ZBTB20: variants seen among roughly 807,000 people sequenced by gnomAD.
ZBTB20 encodes the protein zinc finger and BTB domain-containing protein 20.
ZBTB20 carries 9 observed loss-of-function variants against 56.9 expected under a neutral mutation model. The observed-to-expected ratio is 0.16, with a 90% CI of 0.10 to 0.28. The LOEUF is 0.28. ZBTB20 is among the 10% of genes least tolerant of loss of function. ZBTB20 has a pLI of 1.00. For missense variants in ZBTB20, 655 were observed against 1,003.0 expected, an observed-to-expected ratio of 0.65 and a Z score of 4.69; for synonymous variants, 417 against 420.7, an observed-to-expected ratio of 0.99 and a Z score of 0.11.
intron 7 of ZBTB20, among the ~76,000 whole-genome samples, chr3:114,482,180 A>G (rs942583035): frequency 1.3e-5 from 2 of 152,176 alleles, no homozygotes; most frequent in Non-Finnish European, 2.9e-5. Context: ...ATGACAAAGG[A>G]GCCTGAAGAC....
intron 3 of ZBTB20, among the ~76,000 whole-genome samples, chr3:114,940,938 G>A (rs1268070457): frequency 4.1e-5 from 6 of 146,114 alleles, no homozygotes; most frequent in Non-Finnish European, 8.8e-5. Flanking sequence ...ATAACTCATT[G>A]TTACTGATGA....
chr3:115,037,268 A>C lies in ZBTB20; in HGVS notation c.-507+33951T>G, dbSNP rs532341372. Among the ~76,000 whole-genome samples, 6 of 152,270 alleles carry C rather than the reference A, an allele frequency of 3.9e-5. No homozygotes were observed. In the East Asian group the frequency reaches 1.2e-3, roughly 29 times the overall value. On this transcript the variant is annotated intron_variant, in intron 2 of 11. Coordinates refer to ENST00000675478, the MANE Select transcript of ZBTB20 (RefSeq NM_001348800.3). ...ACCCACATCTATCTGAATCCAAAGT[A>C]AAGAAATTTTTGGGGGGGGCGGAGT... is the stretch of plus-strand genomic sequence containing the variant.
intron 5 of ZBTB20, among the ~76,000 whole-genome samples, chr3:114,784,958 CAAT>C (rs1410138448): frequency 6.6e-6 from 1 of 152,144 alleles, no homozygotes; most frequent in Non-Finnish European, 1.5e-5. Flanking sequence ...ATGCTAACAA[CAAT>C]ACTATATTAT....
chr3:115,050,256 G>A (rs1473854519), intron 2 of ZBTB20, among the ~76,000 whole-genome samples: 4 of 151,878 alleles, frequency 2.6e-5, no homozygotes, highest in African/African-American at 9.7e-5. Flanking sequence ...AGTTAGGATT[G>A]AAAATTAACA....
chr3:114,561,289 C>T (rs1009769447), intron 6 of ZBTB20, among the ~76,000 whole-genome samples: 1 of 152,154 alleles, frequency 6.6e-6, no homozygotes, highest in African/African-American at 2.4e-5. Context: ...TTGACCTTGT[C>T]CCATGAATCA....
intron 7 of ZBTB20, among the ~76,000 whole-genome samples, chr3:114,460,167 T>G (rs2092260518): frequency 6.6e-6 from 1 of 152,106 alleles, no homozygotes; most frequent in African/African-American, 2.4e-5. Flanking sequence ...TGACTCCAGA[T>G]CCCCTCTTTT....
intron 6 of ZBTB20, among the ~76,000 whole-genome samples, chr3:114,568,821 T>C (rs926508192): frequency 2.0e-5 from 3 of 152,254 alleles, no homozygotes; most frequent in African/African-American, 7.2e-5. Flanking sequence ...GAAGACCAAA[T>C]CATTAAATCT....
chr3:114,832,973 T>C (rs1296824830), intron 4 of ZBTB20, among the ~76,000 whole-genome samples: 1 of 152,156 alleles, frequency 6.6e-6, no homozygotes, highest in East Asian at 1.9e-4. Flanking sequence ...TTTTAACTGT[T>C]AGCCCTTGCA....
At chr3:115,111,525 C>T (rs2083883749) in intron 1 of ZBTB20, among the ~76,000 whole-genome samples, 1 of 152,044 alleles carries the variant, frequency 6.6e-6, no homozygotes, top group Admixed American at 6.5e-5. Context: ...AGTATTTTTC[C>T]ACCAATAAAT....
At chr3:114,467,341 A>C (rs1435484376) in intron 7 of ZBTB20, among the ~76,000 whole-genome samples, 1 of 152,182 alleles carries the variant, frequency 6.6e-6, no homozygotes, top group Admixed American at 6.5e-5. Context: ...TGAGGAGAGA[A>C]AGACAGACAA....
chr3:114,419,951 C>T (rs1576675065), intron 7 of ZBTB20, among the ~76,000 whole-genome samples: 2 of 152,072 alleles, frequency 1.3e-5, no homozygotes, highest in Non-Finnish European at 1.5e-5. Context: ...TGGCCCAGAT[C>T]GCTCTCTGAG....
chr3:114,643,817 G>A lies in ZBTB20; in HGVS notation c.-295+49711C>T, dbSNP rs1357949381. 2.0e-5 allele frequency among the ~76,000 whole-genome samples: 3 copies of A among 152,056 alleles called. No individual in the cohort carries two copies. The East Asian group carries it at 5.8e-4, about 29-fold the overall frequency. ...TTTTTTCAAATAGAAGAGTATTTTAGAACAAATGAGAATTCTAACTCTTTA... is the reference window on the plus strand; with the variant it reads ...TTTTTTCAAATAGAAGAGTATTTTAAAACAAATGAGAATTCTAACTCTTTA... On this transcript the variant is annotated intron_variant, in intron 6 of 11. Coordinates refer to ENST00000675478, the MANE Select transcript of ZBTB20 (RefSeq NM_001348800.3).
chr3:114,401,498 C>T (rs1367232569), intron 7 of ZBTB20, among the ~76,000 whole-genome samples: 3 of 152,028 alleles, frequency 2.0e-5, no homozygotes, highest in Admixed American at 2.0e-4. Flanking sequence ...GAGTGATATT[C>T]CAAAGGTTCT....
chr3:114,524,977 A>C (rs1185348534), intron 6 of ZBTB20, among the ~76,000 whole-genome samples: 3 of 152,094 alleles, frequency 2.0e-5, no homozygotes, highest in Admixed American at 2.0e-4. Flanking sequence ...GCCTCCCAAA[A>C]TGTTGGGATT....
chr3:114,608,140 A>G (rs1445675232), intron 6 of ZBTB20, among the ~76,000 whole-genome samples: 4 of 152,178 alleles, frequency 2.6e-5, no homozygotes, highest in African/African-American at 9.7e-5. Context: ...AGAAACAAGG[A>G]TGCTTTAAAA....
intron 4 of ZBTB20, among the ~76,000 whole-genome samples, chr3:114,834,192 T>C (rs186569657): frequency 1.0e-3 from 154 of 152,308 alleles, no homozygotes; most frequent in African/African-American, 3.5e-3. Flanking sequence ...TAATATTTTA[T>C]ATCTTAAAAA....
At chr3:114,450,577 TA>T (rs558799767) in intron 7 of ZBTB20, among the ~76,000 whole-genome samples, 6 of 152,122 alleles carry the variant, frequency 3.9e-5, no homozygotes, top group Non-Finnish European at 7.4e-5. Flanking sequence ...AACAAGAAAC[TA>T]AAAACTATGG....
chr3:114,815,830 A>G (rs1185532653), intron 4 of ZBTB20, among the ~76,000 whole-genome samples: 1 of 152,346 alleles, frequency 6.6e-6, no homozygotes, highest in East Asian at 1.9e-4. Flanking sequence ...GAACAAAATG[A>G]AATGGCAAAT....
chr3:114,780,686 C>T (rs753237377), intron 5 of ZBTB20, among the ~76,000 whole-genome samples: 7 of 152,142 alleles, frequency 4.6e-5, no homozygotes, highest in Non-Finnish European at 1.0e-4. Context: ...TGGGGTTTCA[C>T]CATGTTGGCC....
Sources: gnomAD v4.1 joint callset for allele counts (sites outside exome capture counted in the v4.1 genomes callset) on GRCh38, gnomAD v4.1.1 for gene constraint, MANE v1.5 for transcripts, NCBI Gene and HGNC (gene_info 2026-07-23, HGNC 2026-07-21) for gene names.